IFT81: variants seen among roughly 807,000 people sequenced by gnomAD.
The protein encoded by IFT81 is intraflagellar transport protein 81 homolog.
In IFT81, 72 loss-of-function variants were observed where a neutral mutation model predicts 102.6. The ratio of observed to expected loss-of-function variants is 0.70; its 90% CI spans 0.58 to 0.85. The LOEUF is 0.85. Ranked by LOEUF, IFT81 falls within the 40% of genes least tolerant of loss-of-function variation. The pLI is 0.00. For synonymous variants in IFT81, 237 were observed against 242.7 expected (o/e 0.98, Z 0.22); for missense variants, 723 against 787.3 (o/e 0.92, Z 0.98).
At chr12:110,147,984 T>C (rs1349459627) in intron 10 of IFT81, among the ~76,000 whole-genome samples, 3 of 152,160 alleles carry the variant, frequency 2.0e-5, no homozygotes, top group African/African-American at 7.2e-5. Flanking sequence ...CTTGTCTCTC[T>C]TTTTTTCAAT....
At chr12:110,162,889 A>G in intron 10 of IFT81, 30 bp from the exon 11 acceptor site, 2 of 1,553,204 alleles carry the variant, frequency 1.3e-6, no homozygotes, top group Non-Finnish European at 1.8e-6. Context: ...TGTATATCTT[A>G]TTATACCTTC....
chr12:110,146,916 G>C (rs1895256276), intron 9 of IFT81, 37 bp from the exon 10 acceptor site: 1 of 1,570,460 alleles, frequency 6.4e-7, no homozygotes, highest in East Asian at 2.3e-5. Flanking sequence ...TATAGGGAAA[G>C]TTTTAACTTT....
chr12:110,144,331 C>G (rs1033130668), intron 9 of IFT81, among the ~76,000 whole-genome samples: 1 of 152,096 alleles, frequency 6.6e-6, no homozygotes, highest in Admixed American at 6.6e-5. Flanking sequence ...ATTCTCCTGC[C>G]TCAGCCTCCT....
At chr12:110,151,728 A>G (rs1394094007) in intron 10 of IFT81, among the ~76,000 whole-genome samples, 2 of 152,208 alleles carry the variant, frequency 1.3e-5, no homozygotes, top group Non-Finnish European at 2.9e-5. Flanking sequence ...CATTAACTAT[A>G]ATTATGATAT....
chr12:110,179,442 C>G (rs1422317117), intron 11 of IFT81, among the ~76,000 whole-genome samples: 1 of 151,686 alleles, frequency 6.6e-6, no homozygotes, highest in Admixed American at 6.6e-5. Flanking sequence ...TATTTTAAGG[C>G]CAGGCACGGT....
chr12:110,145,434 G>T (rs78727422), intron 9 of IFT81, among the ~76,000 whole-genome samples: 11 of 149,060 alleles, frequency 7.4e-5, no homozygotes, highest in Middle Eastern at 3.4e-3. Flanking sequence ...GACTGTTTTG[G>T]TTTTTTTTGT....
At chr12:110,200,704 C>G (rs1898220136) in intron 14 of IFT81, among the ~76,000 whole-genome samples, 8 of 152,150 alleles carry the variant, frequency 5.3e-5, no homozygotes, top group Admixed American at 5.2e-4. Flanking sequence ...AATCCCAACA[C>G]TTTGGGAGGC....
At chr12:110,199,158 A>G (rs995052922) in intron 14 of IFT81, among the ~76,000 whole-genome samples, 1 of 152,004 alleles carries the variant, frequency 6.6e-6, no homozygotes, top group Admixed American at 6.6e-5. Context: ...AGTTTTTATT[A>G]TTTTAAATAT....
At chr12:110,214,141 A>G (rs1013870622) in intron 18 of IFT81, among the ~76,000 whole-genome samples, 1 of 152,156 alleles carries the variant, frequency 6.6e-6, no homozygotes, top group African/African-American at 2.4e-5. Context: ...CACCATACTT[A>G]AAAGGAAAAA....
At chr12:110,135,101 C>T (rs970741547) in intron 6 of IFT81, 88 bp downstream of exon 6, 3 of 996,818 alleles carry the variant, frequency 3.0e-6, no homozygotes, top group Admixed American at 4.5e-5. Context: ...TTCAGCCAAG[C>T]ATGAGTGTAC....
At chr12:110,205,731 A>C in intron 17 of IFT81, 51 bp downstream of exon 17, 1 of 1,143,590 alleles carries the variant, frequency 8.7e-7, no homozygotes, top group Non-Finnish European at 1.3e-6. Flanking sequence ...TTCACCAATA[A>C]AAGTTTTATA....
At chr12:110,199,268 C>G (rs1898153346) in intron 14 of IFT81, among the ~76,000 whole-genome samples, 1 of 151,886 alleles carries the variant, frequency 6.6e-6, no homozygotes. Context: ...TGATTTTTCC[C>G]TTACATGTTT....
chr12:110,200,959 T>TA (rs1056679016), intron 14 of IFT81, among the ~76,000 whole-genome samples: 3 of 151,232 alleles, frequency 2.0e-5, no homozygotes, highest in Admixed American at 6.6e-5. Flanking sequence ...TGAAAAAAAT[T>TA]AAAAAAAACT....
At chr12:110,150,493 G>T (rs1476199215) in intron 10 of IFT81, among the ~76,000 whole-genome samples, 1 of 152,120 alleles carries the variant, frequency 6.6e-6, no homozygotes, top group Non-Finnish European at 1.5e-5. Flanking sequence ...TTCCAGTTCA[G>T]ATTCAGGACT....
rs527626533 is a variant in IFT81 at position 110,205,616 on chromosome 12, C to G, written c.1738C>G (p.Arg580Gly). 1 of 1,602,820 alleles carries G rather than the reference C, an allele frequency of 6.2e-7. No homozygotes were observed. Among genetic ancestry groups the G allele is most frequent in the Non-Finnish European group, 8.5e-7 (1 of 1,176,824 alleles). ...MIKNLEVQLR[R>G]ATDEMKAYIS... ...TTAGAACCTAGAAGTTCAACTTCGT[C>G]GTGCTACTGATGAGATGAAGGCATA... Residue 580 changes from arginine (R) to glycine (G), a missense_variant, in exon 17 of 19, where the codon CGT becomes GGT. Coordinates refer to ENST00000242591, the MANE Select transcript of IFT81 (RefSeq NM_014055.4).
intron 10 of IFT81, among the ~76,000 whole-genome samples, chr12:110,160,043 C>G (rs1210229119): frequency 6.6e-6 from 1 of 152,182 alleles, no homozygotes; most frequent in Non-Finnish European, 1.5e-5. Flanking sequence ...GCTTCCTACT[C>G]CACCACCTTC....
rs113903737 is a variant in IFT81 at position 110,179,910 on chromosome 12, G to C, written c.1189-512G>C. Among the ~76,000 whole-genome samples the C allele has an allele frequency of 8.9e-3, 1,314 of 148,260 alleles. 4 individuals carry two copies. Among genetic ancestry groups the C allele is most frequent in the Non-Finnish European group, 9.4e-3 (631 of 67,298 alleles). On this transcript the variant is annotated intron_variant, in intron 11 of 18. Coordinates refer to ENST00000242591, the MANE Select transcript of IFT81 (RefSeq NM_014055.4). Reference sequence around the variant, plus strand: ...TAAAAACACAAAATATTTAAACATTGTGGGTGACAGAGTGAGATTTGGTCT... The same window carrying C: ...TAAAAACACAAAATATTTAAACATTCTGGGTGACAGAGTGAGATTTGGTCT...
At chr12:110,198,601 A>G (rs532428523) in intron 14 of IFT81, among the ~76,000 whole-genome samples, 3 of 152,046 alleles carry the variant, frequency 2.0e-5, no homozygotes, top group African/African-American at 7.2e-5. Flanking sequence ...GATATGTTAG[A>G]GGTATTTATT....
At chr12:110,175,468 A>AT (rs1277136106) in intron 11 of IFT81, among the ~76,000 whole-genome samples, 1 of 152,230 alleles carries the variant, frequency 6.6e-6, no homozygotes, top group African/African-American at 2.4e-5. Flanking sequence ...ATCTGCAGCC[A>AT]TATAAATTGA....
Sources: gnomAD v4.1 joint callset for allele counts (sites outside exome capture counted in the v4.1 genomes callset) on GRCh38, gnomAD v4.1.1 for gene constraint, MANE v1.5 for transcripts, NCBI Gene and HGNC (gene_info 2026-07-23, HGNC 2026-07-21) for gene names.